ZFYVE16: variants seen among roughly 807,000 people sequenced by gnomAD.
ZFYVE16 encodes zinc finger FYVE-type containing 16.
In ZFYVE16, 89 loss-of-function variants were observed where a neutral mutation model predicts 138.1. The ratio of observed to expected loss-of-function variants is 0.64; its 90% confidence interval spans 0.54 to 0.77. The LOEUF is 0.77. Ranked by LOEUF, ZFYVE16 falls within the 30% of genes least tolerant of loss-of-function variation. ZFYVE16 has a pLI of 0.00. For synonymous variants in ZFYVE16, 596 were observed against 618.3 expected, an observed-to-expected ratio of 0.96 and a Z score of 0.53; for missense variants, 1,793 against 1,786.7, an observed-to-expected ratio of 1.00 and a Z score of -0.06.
rs569075251 is a variant in ZFYVE16 at position 80,458,408 on chromosome 5, AAT to A, written c.3944-999_3944-998del. Among the ~76,000 whole-genome samples, 4 of 152,126 alleles carry A rather than the reference AAT, an allele frequency of 2.6e-5. No individual in the cohort carries two copies. The South Asian group carries it at 6.2e-4, about 24-fold the overall frequency. On this transcript the variant is annotated intron_variant, in intron 14 of 18. Transcript: ENST00000505560. ...ATCCTTTCAGAGACATTTTTGCTTT[AAT>A]ATATATTCAAGAAACACACACACAT...
At chr5:80,469,941 T>C (rs963323088) in intron 15 of ZFYVE16, among the ~76,000 whole-genome samples, 4 of 151,876 alleles carry the variant, frequency 2.6e-5, no homozygotes, top group African/African-American at 9.7e-5. Context: ...TCAAGATTTA[T>C]TATATGTTTA....
chr5:80,456,632 A>C, intron 13 of ZFYVE16, 67 bp downstream of exon 13: 1 of 1,412,558 alleles, frequency 7.1e-7, no homozygotes, highest in South Asian at 1.3e-5. Flanking sequence ...ATTGTGTCAC[A>C]TTAAATTTTT....
intron 15 of ZFYVE16, among the ~76,000 whole-genome samples, chr5:80,460,308 G>A (rs249016): frequency 6.6e-6 from 1 of 152,054 alleles, no homozygotes; most frequent in African/African-American, 2.4e-5. Context: ...TATCTTTTGC[G>A]CTTTTTTCTA....
chr5:80,436,698 T>G, intron 3 of ZFYVE16, 58 bp from the exon 4 acceptor site: 1 of 1,411,678 alleles, frequency 7.1e-7, no homozygotes, highest in Non-Finnish European at 9.6e-7. Context: ...AAACATAATA[T>G]GTTTAATAAT....
intron 7 of ZFYVE16, among the ~76,000 whole-genome samples, chr5:80,446,294 A>G (rs181822373): frequency 2.2e-4 from 33 of 152,298 alleles, no homozygotes; most frequent in Admixed American, 8.5e-4. Flanking sequence ...CTAAAGTGCT[A>G]TAGATTTCGT....
intron 1 of ZFYVE16, among the ~76,000 whole-genome samples, chr5:80,420,108 CT>C (rs1355768841): frequency 0.011 from 1,419 of 128,656 alleles, 12 homozygotes; most frequent in Non-Finnish European, 0.016. Flanking sequence ...GCGCGCCTGG[CT>C]TTTTTTTTTT....
chr5:80,457,195 T>G (rs1191947782), intron 14 of ZFYVE16, 103 bp downstream of exon 14: 1 of 1,454,268 alleles, frequency 6.9e-7, no homozygotes, highest in Non-Finnish European at 9.2e-7. Flanking sequence ...GCTGAATTGT[T>G]GGTGATAAAA....
At chr5:80,430,435 A>G (rs1329792833) in intron 2 of ZFYVE16, among the ~76,000 whole-genome samples, 3 of 152,028 alleles carry the variant, frequency 2.0e-5, no homozygotes, top group Non-Finnish European at 4.4e-5. Flanking sequence ...GACACATTCA[A>G]AGCATGTGTA....
intron 5 of ZFYVE16, chr5:80,441,426 T>C (rs1750697417): frequency 2.0e-6 from 2 of 985,360 alleles, no homozygotes; most frequent in Non-Finnish European, 2.4e-6. Flanking sequence ...TGATGTCTTA[T>C]AGCATATAGT....
At chr5:80,454,004 C>T (rs1169857033) in intron 11 of ZFYVE16, 1 of 152,028 alleles carries the variant, frequency 6.6e-6, no homozygotes, top group African/African-American at 2.4e-5. Context: ...AAAGGTTGCC[C>T]CCTCATTCAT....
rs551491464 is a variant in ZFYVE16 at position 80,477,571 on chromosome 5, C to T, written c.*194C>T. Reference sequence around the variant, plus strand: ...TAAATATCTAAAAATTTAAGAGATCCATACTTTCTGTAGCTTTACAATTAA... The same window carrying T: ...TAAATATCTAAAAATTTAAGAGATCTATACTTTCTGTAGCTTTACAATTAA... On this transcript the variant is annotated 3_prime_UTR_variant, in exon 19 of 19. Transcript: ENST00000505560. 68 of 427,640 alleles carry T rather than the reference C, an allele frequency of 1.6e-4. 2 individuals carry two copies. In the East Asian group the frequency reaches 2.0e-3, roughly 13 times the overall value. 26.5% of individuals were successfully genotyped at this position (427,640 alleles called of 1,614,324 possible).
intron 6 of ZFYVE16, 37 bp downstream of exon 6, chr5:80,443,321 A>G (rs1350791354): frequency 6.3e-7 from 1 of 1,580,176 alleles, no homozygotes; most frequent in East Asian, 2.3e-5. Context: ...CTAAAGATAA[A>G]TTATTGAAAT....
Position 80,482,862 on chromosome 5 carries a change from T to C in ZFYVE16, c.*5485T>C, listed in dbSNP as rs1755320443. 1 of 151,832 alleles carries C rather than the reference T, an allele frequency of 6.6e-6. No individual in the cohort carries two copies. Among genetic ancestry groups the C allele is most frequent in the Non-Finnish European group, 1.5e-5 (1 of 67,946 alleles). The allele number at this position is 151,832 out of a possible 1,614,324, so 9.4% of individuals were successfully genotyped here. A position where few individuals can be genotyped will look rare whatever the true frequency, so the allele number is the denominator to read the frequency against. On this transcript the variant is annotated 3_prime_UTR_variant, in exon 19 of 19. Coordinates refer to ENST00000505560, the MANE Select transcript of ZFYVE16 (RefSeq NM_001284236.3). The stretch of plus-strand genomic sequence containing the variant: ...TGAAATAAAGACATTTTCTTTTTTT[T>C]CTTTACTTTTTTTTTTTTTATGAGA...
chr5:80,472,421 A>G (rs1754474252), intron 15 of ZFYVE16, among the ~76,000 whole-genome samples: 1 of 151,796 alleles, frequency 6.6e-6, no homozygotes, highest in Non-Finnish European at 1.5e-5. Context: ...GTTTCCCTCT[A>G]GGGATCTCAG....
Position 80,437,419 on chromosome 5 carries a change from C to T in ZFYVE16, c.734C>T (p.Ser245Leu), listed in dbSNP as rs2112365979. The change falls in exon 4 of 19, where the codon TCA (serine) becomes TTA (leucine). Residue 245 changes from serine (S) to leucine (L), a missense_variant. Physicochemically the swap from Ser to Leu is moderately radical, Grantham distance 145. This residue lies in a region of ZFYVE16 where 1,295 missense variants were observed against 1,204.3 expected (regional missense o/e 1.08). Transcript: ENST00000505560. The part of the protein sequence containing the change: ...QLESIVDFNM[S>L]SALTRQSSKM... ...GAATCAATTGTTGATTTTAACATGT[C>T]ATCTGCTTTGACTCGACAAAGTTCC... The T allele has an allele frequency of 1.2e-6, 2 of 1,604,510 alleles. No individual in the cohort carries two copies. Among genetic ancestry groups the T allele is most frequent in the Non-Finnish European group, 8.5e-7 (1 of 1,176,574 alleles).
chr5:80,420,826 G>A (rs1297487167), intron 1 of ZFYVE16, among the ~76,000 whole-genome samples: 1 of 152,206 alleles, frequency 6.6e-6, no homozygotes, highest in Non-Finnish European at 1.5e-5. Context: ...TGGGATGGCT[G>A]GGTCAAATGG....
intron 15 of ZFYVE16, among the ~76,000 whole-genome samples, 196 bp from the exon 16 acceptor site, chr5:80,472,565 T>A (rs543265275): frequency 1.9e-3 from 111 of 57,496 alleles, no homozygotes; most frequent in Middle Eastern, 8.8e-3. Flanking sequence ...TTCTCTTTGT[T>A]TTAACCTTAA....
At chr5:80,415,305 G>A (rs1445331010) in intron 1 of ZFYVE16, among the ~76,000 whole-genome samples, 67 of 152,088 alleles carry the variant, frequency 4.4e-4, no homozygotes, top group Non-Finnish European at 2.9e-5. Flanking sequence ...GATTAATATG[G>A]TACATTTGTT....
chr5:80,422,199 G>A (rs1270047437), intron 1 of ZFYVE16, among the ~76,000 whole-genome samples: 3 of 152,206 alleles, frequency 2.0e-5, no homozygotes, highest in Non-Finnish European at 4.4e-5. Flanking sequence ...ATTTTGGGCT[G>A]AGACAATAGG....
Sources: gnomAD v4.1 joint callset for allele counts (sites outside exome capture counted in the v4.1 genomes callset) on GRCh38, gnomAD v4.1.1 for gene constraint, gnomAD v4.1.1 regional missense constraint, MANE v1.5 for transcripts, NCBI Gene and HGNC (gene_info 2026-07-23, HGNC 2026-07-21) for gene names.